Variants in NFIB observed in about 807,000 individuals in gnomAD.
The protein encoded by NFIB is nuclear factor I B, also known as nuclear factor 1 B-type.
A neutral mutation model predicts 61.5 loss-of-function variants in NFIB; 11 were observed. The observed-to-expected ratio is 0.18, with a 90% confidence interval of 0.11 to 0.30. The LOEUF (loss-of-function observed/expected upper bound fraction) is 0.30, where lower values mean the gene tolerates loss of function less well. Ranked by LOEUF, NFIB falls within the 10% of genes least tolerant of loss-of-function variation. The pLI, the probability that NFIB is intolerant of heterozygous loss-of-function variation, is 1.00. For synonymous variants in NFIB, 260 were observed against 216.5 expected (o/e 1.20, Z -1.76); for missense variants, 471 against 608.9 (o/e 0.77, Z 2.38).
In NFIB at chr9:14,083,009, C is replaced by G. The variant is rs533365538; in HGVS notation, c.*5300G>C. The stretch of plus-strand genomic sequence containing the variant: ...CTAGTGTACCGGTAAGCTAGTGGCA[C>G]TGAAGCGCTTTTCACAATCTCAACA... On this transcript the variant is annotated 3_prime_UTR_variant, in exon 11 of 11. Transcript: ENST00000380953. 1 of 205,868 alleles carries G rather than the reference C, an allele frequency of 4.9e-6. No homozygotes were observed. The highest frequency in any genetic ancestry group is 2.3e-5 in the African/African-American group (1 of 43,714). The allele number at this position is 205,868 out of a possible 1,614,324, so 12.8% of individuals were successfully genotyped here. A position where few individuals can be genotyped will look rare whatever the true frequency, so the allele number is the denominator to read the frequency against.
intron 2 of NFIB, among the ~76,000 whole-genome samples, chr9:14,254,370 C>A (rs1230114824): frequency 6.6e-6 from 1 of 152,098 alleles, no homozygotes; most frequent in Non-Finnish European, 1.5e-5. Flanking sequence ...ACCCCTAGAA[C>A]CAGATATGAG....
intron 1 of NFIB, among the ~76,000 whole-genome samples, chr9:14,391,616 G>A (rs142482812): frequency 6.6e-5 from 10 of 152,152 alleles, no homozygotes; most frequent in African/African-American, 2.2e-4. Context: ...AAAATGCCTC[G>A]AGTGAGCACA....
At chr9:14,233,429 T>G (rs996255271) in intron 2 of NFIB, among the ~76,000 whole-genome samples, 1 of 147,844 alleles carries the variant, frequency 6.8e-6, no homozygotes, top group African/African-American at 2.5e-5. Flanking sequence ...TTCTTTTTTT[T>G]TTTTTTTTTT....
the NFIB span, among the ~76,000 whole-genome samples, chr9:14,446,217 G>A: frequency 1.3e-5 from 2 of 152,160 alleles, no homozygotes; most frequent in Non-Finnish European, 2.9e-5. Context: ...GTGTGTCTAA[G>A]TATGGATTTC....
intron 2 of NFIB, among the ~76,000 whole-genome samples, chr9:14,267,484 T>C (rs996295040): frequency 3.3e-5 from 5 of 152,212 alleles, no homozygotes; most frequent in African/African-American, 9.7e-5. Flanking sequence ...CTGAAAGTAC[T>C]AGGAAACTGG....
chr9:14,516,125 T>C, the NFIB span, among the ~76,000 whole-genome samples: 1 of 152,346 alleles, frequency 6.6e-6, no homozygotes, highest in South Asian at 2.1e-4. Flanking sequence ...TGCAGACAAT[T>C]GCCTCGAACC....
the NFIB span, among the ~76,000 whole-genome samples, chr9:14,531,476 C>T: frequency 2.0e-5 from 3 of 152,060 alleles, no homozygotes; most frequent in Non-Finnish European, 4.4e-5. Flanking sequence ...GGGGGACAGT[C>T]GCATACTGAT....
upstream of NFIB, among the ~76,000 whole-genome samples, chr9:14,400,395 T>G (rs2061731330): frequency 6.6e-6 from 1 of 152,206 alleles, no homozygotes; most frequent in Non-Finnish European, 1.5e-5. Context: ...GGAGATGACT[T>G]TGCAGAATAA....
the NFIB span, among the ~76,000 whole-genome samples, chr9:14,455,807 A>T: frequency 1.1e-4 from 16 of 152,210 alleles, no homozygotes; most frequent in Non-Finnish European, 2.2e-4. Flanking sequence ...ATTCACTTGG[A>T]AAAATTTTTT....
intron 2 of NFIB, among the ~76,000 whole-genome samples, chr9:14,181,042 T>G (rs1465667654): frequency 4.6e-5 from 7 of 152,306 alleles, no homozygotes; most frequent in South Asian, 2.1e-4. Flanking sequence ...TATGCTGGTT[T>G]TTTTCATCGG....
At chr9:14,425,607 A>ATTTTTTTTTTTTTTTTTTTTTTT in the NFIB span, among the ~76,000 whole-genome samples, 2 of 99,052 alleles carry the variant, frequency 2.0e-5, no homozygotes, top group Non-Finnish European at 2.0e-5. Flanking sequence ...TTGCTACATA[A>ATTTTTTTTTTTTTTTTTTTTTTT]TTTTTTTTTT....
chr9:14,306,816 T>A (rs886811296), intron 2 of NFIB, among the ~76,000 whole-genome samples, 173 bp downstream of exon 2: 6 of 152,306 alleles, frequency 3.9e-5, no homozygotes, highest in Middle Eastern at 3.4e-3. Flanking sequence ...TCTATTTACA[T>A]GGCTCGCACA....
chr9:14,349,457 T>C (rs1485998368), intron 1 of NFIB, among the ~76,000 whole-genome samples: 1 of 152,102 alleles, frequency 6.6e-6, no homozygotes, highest in Non-Finnish European at 1.5e-5. Flanking sequence ...TTCCGCGTTA[T>C]GTTTCCCATG....
intron 9 of NFIB, among the ~76,000 whole-genome samples, chr9:14,115,476 C>T (rs561946512): frequency 6.6e-6 from 1 of 152,108 alleles, no homozygotes; most frequent in East Asian, 1.9e-4. Flanking sequence ...AAGTATTTTA[C>T]ATGAAAAAAC....
chr9:14,469,197 C>G, the NFIB span, among the ~76,000 whole-genome samples: 1 of 152,304 alleles, frequency 6.6e-6, no homozygotes, highest in South Asian at 2.1e-4. Context: ...ACTGTGCAAA[C>G]TGAACCTAGT....
intron 2 of NFIB, among the ~76,000 whole-genome samples, chr9:14,296,869 G>A (rs1034230100): frequency 2.0e-5 from 3 of 152,216 alleles, no homozygotes; most frequent in Admixed American, 1.3e-4. Flanking sequence ...AAATTCAAAG[G>A]ATGACAGAAT....
At chr9:14,166,770 G>C (rs2044840449) in intron 3 of NFIB, among the ~76,000 whole-genome samples, 1 of 152,052 alleles carries the variant, frequency 6.6e-6, no homozygotes, top group African/African-American at 2.4e-5. Flanking sequence ...TAAGTATCTT[G>C]GGGTTGTCCT....
At chr9:14,187,354 G>C (rs529212352) in intron 2 of NFIB, among the ~76,000 whole-genome samples, 1 of 152,100 alleles carries the variant, frequency 6.6e-6, no homozygotes, top group East Asian at 1.9e-4. Context: ...TATAATATTT[G>C]GGAGATGCAG....
In NFIB at chr9:14,146,718, C is replaced by A; in HGVS notation, c.896G>T (p.Gly299Val). 1 of 1,612,778 alleles carries A rather than the reference C, an allele frequency of 6.2e-7. No individual in the cohort carries two copies. The highest frequency in any genetic ancestry group is 2.2e-5 in the East Asian group (1 of 44,826). Residue 299 changes from glycine to valine, a missense_variant, in exon 6 of 11, where the codon GGA (glycine) becomes GTA (valine). Gly to Val is a moderately radical substitution (Grantham distance 109). Coordinates refer to ENST00000380953, the MANE Select transcript of NFIB (RefSeq NM_001190737.2). ...FYPSPSSPAA[G>V]SRTWHERDQD... Reference sequence around the variant, plus strand: ...ATCTCTTTCGTGCCATGTTCGACTTCCAGCAGCTGGTGAACTTGGAGAGGG... The same window carrying A: ...ATCTCTTTCGTGCCATGTTCGACTTACAGCAGCTGGTGAACTTGGAGAGGG...
Sources: allele counts gnomAD v4.1 joint callset (sites outside exome capture counted in the v4.1 genomes callset), GRCh38; gene constraint gnomAD v4.1.1; transcripts MANE v1.5; gene names NCBI Gene and HGNC (gene_info 2026-07-23, HGNC 2026-07-21).